CSMD1: variants seen among roughly 807,000 people sequenced by gnomAD.
CSMD1 encodes the protein CUB and sushi domain-containing protein 1.
CSMD1 carries 213 observed loss-of-function variants against 417.5 expected under a neutral mutation model. The observed-to-expected ratio is 0.51, with a 90% CI of 0.46 to 0.57. The LOEUF is 0.57. Ranked by LOEUF, CSMD1 falls within the 20% of genes least tolerant of loss-of-function variation. The pLI, the probability that CSMD1 is intolerant of heterozygous loss-of-function variation, is 0.00. For missense variants in CSMD1, 6,923 were observed against 4,529.7 expected, an observed-to-expected ratio of 1.53 and a Z score of -15.17; for synonymous variants, 2,862 against 1,736.8, an observed-to-expected ratio of 1.65 and a Z score of -16.11.
intron 6 of CSMD1, among the ~76,000 whole-genome samples, chr8:3,732,052 T>G (rs1003338550): frequency 6.8e-6 from 1 of 147,874 alleles, no homozygotes; most frequent in African/African-American, 2.5e-5. Flanking sequence ...ACAAAAAAAA[T>G]GCTCCATTCC....
At chr8:3,937,885 A>G (rs372111333) in intron 5 of CSMD1, among the ~76,000 whole-genome samples, 9 of 152,178 alleles carry the variant, frequency 5.9e-5, no homozygotes, top group African/African-American at 2.2e-4. Flanking sequence ...CATACACAAG[A>G]AACTTTATGA....
chr8:4,682,961 TATATATATA>T (rs1373166430), intron 1 of CSMD1, among the ~76,000 whole-genome samples: 5 of 26,006 alleles, frequency 1.9e-4, no homozygotes, highest in African/African-American at 9.2e-4. Flanking sequence ...TCTTCATATA[TATATATATA>T]TATATATATA....
intron 6 of CSMD1, among the ~76,000 whole-genome samples, chr8:3,751,381 A>G (rs1797334643): frequency 1.4e-5 from 2 of 147,882 alleles, no homozygotes; most frequent in South Asian, 2.1e-4. Context: ...AATTATTTAT[A>G]TATTTCTTAT....
chr8:4,581,639 G>C (rs1799422349), intron 2 of CSMD1, among the ~76,000 whole-genome samples: 1 of 152,194 alleles, frequency 6.6e-6, no homozygotes, highest in South Asian at 2.1e-4. Context: ...TTAAAAGAAA[G>C]TTAGTGGAAA....
intron 3 of CSMD1, among the ~76,000 whole-genome samples, chr8:4,139,586 G>C (rs1200380882): frequency 2.0e-5 from 3 of 151,314 alleles, no homozygotes; most frequent in East Asian, 3.9e-4. Flanking sequence ...CTATGGAACT[G>C]AGTGGGCATC....
chr8:4,401,709 T>C (rs73658848), intron 3 of CSMD1, among the ~76,000 whole-genome samples: 10,650 of 151,846 alleles, frequency 0.07, 1,259 homozygotes, highest in African/African-American at 0.24. Flanking sequence ...CTAATCCTCC[T>C]TCTTTGAGAA....
chr8:3,729,950 A>C (rs1435252259), intron 6 of CSMD1, among the ~76,000 whole-genome samples: 2 of 15,080 alleles, frequency 1.3e-4, no homozygotes, highest in African/African-American at 2.1e-4. Context: ...AAAAAAAAAA[A>C]AAAAAAAAAA....
chr8:4,198,876 C>T (rs892964484), intron 3 of CSMD1, among the ~76,000 whole-genome samples: 1 of 152,066 alleles, frequency 6.6e-6, no homozygotes, highest in African/African-American at 2.4e-5. Flanking sequence ...TTTCCCCTTC[C>T]TTTTAATTTA....
At chr8:3,843,419 TG>T (rs1803261604) in intron 5 of CSMD1, among the ~76,000 whole-genome samples, 1 of 152,186 alleles carries the variant, frequency 6.6e-6, no homozygotes, top group African/African-American at 2.4e-5. Flanking sequence ...AAGTCAAAGT[TG>T]GTTTCAGAGT....
At chr8:4,238,037 C>T (rs1229372059) in intron 3 of CSMD1, among the ~76,000 whole-genome samples, 3 of 152,068 alleles carry the variant, frequency 2.0e-5, no homozygotes, top group Admixed American at 6.6e-5. Context: ...CTTTCCAGCA[C>T]GTTGCTTAGT....
intron 4 of CSMD1, among the ~76,000 whole-genome samples, chr8:4,029,435 G>A (rs928125543): frequency 7.9e-5 from 12 of 152,156 alleles, no homozygotes; most frequent in African/African-American, 2.9e-4. Flanking sequence ...GTCTTATATG[G>A]ATAGCAGCAG....
At chr8:3,634,107 A>G (rs1262669139) in intron 7 of CSMD1, among the ~76,000 whole-genome samples, 1 of 152,160 alleles carries the variant, frequency 6.6e-6, no homozygotes, top group African/African-American at 2.4e-5. Flanking sequence ...GCCCGTTAGA[A>G]GTTTGGTTCT....
chr8:4,296,419 A>G (rs930281255), intron 3 of CSMD1, among the ~76,000 whole-genome samples: 19 of 152,326 alleles, frequency 1.2e-4, no homozygotes, highest in Admixed American at 2.6e-4. Flanking sequence ...GGGTTATCAC[A>G]AGAGTGTGAG....
intron 1 of CSMD1, among the ~76,000 whole-genome samples, chr8:4,693,752 C>T (rs1268577074): frequency 4.4e-5 from 1 of 22,650 alleles, no homozygotes. Flanking sequence ...TCATAGCTCA[C>T]TACAGCCCCA....
chr8:2,978,794 TTCA>T lies in CSMD1; in HGVS notation c.8381_8383del (p.Val2794_Asn2795delinsAsp). On this transcript the variant is annotated inframe_deletion, in exon 55 of 70. Transcript: ENST00000635120. ...TTCCACAAAGCCTGGATCAGAACAG[TTCA>T]CCACTAGAAAATAAAACATTTCACA... The T allele has an allele frequency of 6.2e-7, 1 of 1,605,244 alleles. No individual in the cohort carries two copies. Among genetic ancestry groups the T allele is most frequent in the Non-Finnish European group, 8.5e-7 (1 of 1,176,286 alleles).
chr8:4,728,149 ATATATATATTT>A (rs987890305), intron 1 of CSMD1, among the ~76,000 whole-genome samples: 17 of 147,242 alleles, frequency 1.2e-4, no homozygotes, highest in African/African-American at 4.2e-4. Flanking sequence ...TATATATCAA[ATATATATATTT>A]TATATATATA....
chr8:4,881,506 C>T (rs892050206), intron 1 of CSMD1, among the ~76,000 whole-genome samples: 4 of 148,070 alleles, frequency 2.7e-5, no homozygotes, highest in African/African-American at 1.0e-4. Flanking sequence ...TAGAATTAGG[C>T]TCTTCCAGGT....
chr8:3,784,222 AT>A (rs1212448747), intron 5 of CSMD1, among the ~76,000 whole-genome samples: 1 of 152,202 alleles, frequency 6.6e-6, no homozygotes, highest in East Asian at 1.9e-4. Flanking sequence ...ATAACAAATT[AT>A]TTTTTAAAAG....
chr8:4,465,400 T>C (rs1800104362), intron 2 of CSMD1, among the ~76,000 whole-genome samples: 1 of 152,190 alleles, frequency 6.6e-6, no homozygotes, highest in African/African-American at 2.4e-5. Context: ...AAAGTCTATT[T>C]CATCATGCTG....
Sources: gnomAD v4.1 joint callset for allele counts (sites outside exome capture counted in the v4.1 genomes callset) on GRCh38, gnomAD v4.1.1 for gene constraint, MANE v1.5 for transcripts, NCBI Gene and HGNC (gene_info 2026-07-23, HGNC 2026-07-21) for gene names.